KIF7: variants seen among roughly 807,000 people sequenced by gnomAD.
The protein encoded by KIF7 is kinesin-like protein KIF7.
A neutral mutation model predicts 135.7 loss-of-function variants in KIF7; 104 were observed. That is an observed-to-expected ratio of 0.77 (90% CI 0.65 to 0.90). KIF7 has a LOEUF of 0.90. KIF7 is among the 40% of genes least tolerant of loss of function. KIF7 has a pLI of 0.00. For missense variants in KIF7, 2,005 were observed against 1,839.1 expected (o/e 1.09, Z -1.65); for synonymous variants, 883 against 809.4 (o/e 1.09, Z -1.54).
chr15:89,644,552 G>T (rs1300688526), intron 10 of KIF7, among the ~76,000 whole-genome samples: 1 of 152,032 alleles, frequency 6.6e-6, no homozygotes, highest in African/African-American at 2.4e-5. Flanking sequence ...GGGTGTGGTG[G>T]CGGGCGCCTG....
At chr15:89,625,616 G>A, downstream of KIF7, 1 of 1,613,268 alleles carries the variant, frequency 6.2e-7, no homozygotes, top group East Asian at 2.2e-5. Flanking sequence ...GGACAGTTTG[G>A]GTTGAGTTCC....
At position 89,630,526 on chromosome 15, in the gene KIF7, C is replaced by T. The variant is rs940838929; in HGVS notation, c.3112-33G>A. 10 of 1,504,066 alleles carry T rather than the reference C, an allele frequency of 6.6e-6. No homozygotes were observed. The African/African-American group carries it at 9.7e-5, about 15-fold the overall frequency. 93.2% of individuals were successfully genotyped at this position (1,504,066 alleles called of 1,614,324 possible). ...GACGGGCACGCGTGGAGGAACAGCA[C>T]CCACTGCCTGAATGCTGAAGTCCTG... On this transcript the variant is annotated intron_variant, in intron 15 of 18. Coordinates refer to ENST00000394412, the MANE Select transcript of KIF7 (RefSeq NM_198525.3).
intron 11 of KIF7, among the ~76,000 whole-genome samples, chr15:89,635,511 C>T (rs935558660): frequency 5.3e-5 from 8 of 152,074 alleles, no homozygotes; most frequent in Admixed American, 2.6e-4. Flanking sequence ...AACCAAGGCT[C>T]GAGAACTACG....
At chr15:89,635,090 A>C (rs1457052144) in intron 11 of KIF7, among the ~76,000 whole-genome samples, 4 of 151,828 alleles carry the variant, frequency 2.6e-5, no homozygotes, top group Admixed American at 1.3e-4. Flanking sequence ...ACGGCCGGGT[A>C]CTCCAACAGA....
In KIF7 at chr15:89,648,355, T is replaced by A; in HGVS notation, c.1343A>T (p.Glu448Val). 7.0e-7 allele frequency: 1 copy of A among 1,430,090 alleles called. No homozygotes were observed. Among genetic ancestry groups the A allele is most frequent in the Non-Finnish European group, 9.2e-7 (1 of 1,089,074 alleles). 88.6% of individuals were successfully genotyped at this position (1,430,090 alleles called of 1,614,324 possible). ...RKVRDWLCAV[E>V]GERSALSSAS... The stretch of plus-strand genomic sequence containing the variant: ...GGAGCTCAGGGCGCTGCGCTCGCCC[T>A]CGACGGCGCACAGCCAGTCGCGCAC... The change falls in exon 5 of 19, where the codon GAG becomes GTG. Residue 448 changes from glutamate to valine, a missense_variant. Coordinates refer to ENST00000394412, the MANE Select transcript of KIF7 (RefSeq NM_198525.3).
upstream of KIF7, among the ~76,000 whole-genome samples, chr15:89,657,055 C>G (rs984594467): frequency 6.6e-6 from 1 of 152,064 alleles, no homozygotes; most frequent in African/African-American, 2.4e-5. Flanking sequence ...TGCCTGTAAA[C>G]CCATCACTCT....
chr15:89,652,912 T>G lies in KIF7; in HGVS notation c.19A>C (p.Arg7=). MGLEAQ[R]LPGAEEAPVR... is the part of the protein sequence containing the mutation. ...GGGGCCTCCTCAGCCCCTGGCAGCC[T>G]CTGAGCCTCCAGCCCCATGCCGAGG... The change falls in exon 2 of 19, where the codon AGG becomes CGG. Residue 7 remains arginine (R), a synonymous_variant. Coordinates refer to ENST00000394412, the MANE Select transcript of KIF7 (RefSeq NM_198525.3). The G allele has an allele frequency of 6.6e-7, 1 of 1,526,556 alleles. No individual in the cohort carries two copies. The highest frequency in any genetic ancestry group is 1.2e-5 in the South Asian group (1 of 82,846). 94.6% of individuals were successfully genotyped at this position (1,526,556 alleles called of 1,614,324 possible). A position where few individuals can be genotyped will look rare whatever the true frequency, so the allele number is the denominator to read the frequency against.
intron 10 of KIF7, among the ~76,000 whole-genome samples, chr15:89,644,118 T>C (rs1015592013): frequency 2.0e-5 from 3 of 152,156 alleles, no homozygotes; most frequent in Admixed American, 1.3e-4. Context: ...AGGATGGGTA[T>C]ATGGGACCCA....
Position 89,647,046 on chromosome 15 carries a change from C to T in KIF7, c.1572G>A (p.Leu524=). Residue 524 remains leucine (L), a synonymous_variant, in exon 7 of 19, where the codon CTG becomes CTA. Coordinates refer to ENST00000394412, the MANE Select transcript of KIF7 (RefSeq NM_198525.3). ...CCACCATCTCCTCCTGCTGCTCACG[C>T]AGCCGGTCGCTCTGCAAGACATGGT... is the stretch of plus-strand genomic sequence containing the variant. ...MEQYKLQSDR[L]REQQEEMVEL... 6.3e-7 allele frequency: 1 copy of T among 1,593,768 alleles called. No homozygotes were observed. The highest frequency in any genetic ancestry group is 8.5e-7 in the Non-Finnish European group (1 of 1,171,614).
intron 2 of KIF7, among the ~76,000 whole-genome samples, chr15:89,651,865 T>C (rs1964128836): frequency 6.6e-6 from 1 of 152,182 alleles, no homozygotes; most frequent in Non-Finnish European, 1.5e-5. Context: ...TAAATGGGAT[T>C]AGTTCCCTTA....
intron 11 of KIF7, among the ~76,000 whole-genome samples, chr15:89,637,833 A>T (rs2142009608): frequency 7.3e-6 from 1 of 137,426 alleles, no homozygotes; most frequent in Admixed American, 7.4e-5. Flanking sequence ...GGCCAGCATC[A>T]TCCTGATACC....
chr15:89,620,622 T>G (rs1347379509), intron 1 of KIF7, among the ~76,000 whole-genome samples: 1 of 150,392 alleles, frequency 6.6e-6, no homozygotes, highest in East Asian at 1.9e-4. Context: ...GCAGTTGTTG[T>G]AGTTGCTGAC....
intron 7 of KIF7, 84 bp from the exon 8 acceptor site, chr15:89,646,110 C>T (rs1194047507): frequency 3.3e-6 from 5 of 1,538,446 alleles, no homozygotes; most frequent in Admixed American, 3.3e-5. Context: ...ATCTCTCCCT[C>T]CTCAAGCCCT....
Position 89,645,378 on chromosome 15 carries a change from G to T in KIF7, c.1996C>A (p.Leu666Ile), listed in dbSNP as rs1311685318. 6.2e-7 allele frequency: 1 copy of T among 1,614,132 alleles called. No individual in the cohort carries two copies. The highest frequency in any genetic ancestry group is 1.7e-5 in the Admixed American group (1 of 60,028). ...GSLPERKGPE[L>I]CLEELDAAIP... ...GCTGCATCCAACTCCTCAAGGCAAAGCTCTGGGCCCTTCCTCTCTGGCAGA... is the reference window on the plus strand; with the variant it reads ...GCTGCATCCAACTCCTCAAGGCAAATCTCTGGGCCCTTCCTCTCTGGCAGA... Residue 666 changes from leucine (L) to isoleucine (I), a missense_variant, in exon 9 of 19, where the codon CTT becomes ATT. Physicochemically the swap from Leu to Ile is conservative, Grantham distance 5 (BLOSUM62 2). Transcript: ENST00000394412.
At chr15:89,641,534 G>A (rs1335237910) in intron 11 of KIF7, among the ~76,000 whole-genome samples, 2 of 152,214 alleles carry the variant, frequency 1.3e-5, no homozygotes, top group African/African-American at 2.4e-5. Context: ...AGGCGTGGTG[G>A]CTCACACCTA....
chr15:89,631,363 C>A, intron 15 of KIF7, 132 bp downstream of exon 15: 2 of 800,276 alleles, frequency 2.5e-6, no homozygotes, highest in Non-Finnish European at 2.0e-6. Context: ...CCCACCTCCA[C>A]CTAACAGTGA....
intron 2 of KIF7, among the ~76,000 whole-genome samples, chr15:89,617,381 A>T (rs1485844577): frequency 6.6e-6 from 1 of 152,196 alleles, no homozygotes; most frequent in Non-Finnish European, 1.5e-5. Context: ...AAGGCTCTTA[A>T]ACAGAAACTT....
chr15:89,628,284 A>G lies in KIF7; in HGVS notation c.*135T>C. 8.6e-7 allele frequency: 1 copy of G among 1,161,872 alleles called. No homozygotes were observed. Among genetic ancestry groups the G allele is most frequent in the Non-Finnish European group, 1.2e-6 (1 of 840,152 alleles). 72.0% of individuals were successfully genotyped at this position (1,161,872 alleles called of 1,614,324 possible). A position where few individuals can be genotyped will look rare whatever the true frequency, so the allele number is the denominator to read the frequency against. ...TTTGGGCCATGGCCCAAATTTGTTG[A>G]TCCCAGTGAGGGTACAGATGAGGGC... is the stretch of plus-strand genomic sequence containing the variant. On this transcript the variant is annotated 3_prime_UTR_variant, in exon 19 of 19. Transcript: ENST00000394412.
At chr15:89,636,345 A>G (rs1235229357) in intron 11 of KIF7, among the ~76,000 whole-genome samples, 1 of 144,078 alleles carries the variant, frequency 6.9e-6, no homozygotes, top group Non-Finnish European at 1.5e-5. Context: ...CTTTAAATGT[A>G]AATGGACTAA....
Sources: allele counts gnomAD v4.1 joint callset (sites outside exome capture counted in the v4.1 genomes callset), GRCh38; gene constraint gnomAD v4.1.1; transcripts MANE v1.5; gene names NCBI Gene and HGNC (gene_info 2026-07-23, HGNC 2026-07-21).